The following PATL2 variants were observed in gnomAD, a reference collection of about 807,000 sequenced individuals.
The protein encoded by PATL2 is PAT1 homolog 2, also known as protein PAT1 homolog 2.
Under a neutral mutation model 77.0 loss-of-function variants are expected in PATL2, and 73 were observed. The observed-to-expected ratio is 0.95, with a 90% CI of 0.78 to 1.15. The LOEUF is 1.15. Among genes scored for constraint, PATL2 ranks in the 50% most tolerant of loss-of-function variants. The pLI, the probability that PATL2 is intolerant of heterozygous loss-of-function variation, is 0.00. For missense variants in PATL2, 618 were observed against 655.4 expected, an observed-to-expected ratio of 0.94 and a Z score of 0.62; for synonymous variants, 265 against 257.1, an observed-to-expected ratio of 1.03 and a Z score of -0.29.
In PATL2 at chr15:44,669,330, C is replaced by T; in HGVS notation, c.1014G>A (p.Gln338=). 1 of 1,551,654 alleles carries T rather than the reference C, an allele frequency of 6.4e-7. No individual in the cohort carries two copies. The highest frequency in any genetic ancestry group is 1.2e-5 in the South Asian group (1 of 84,056). Residue 338 remains glutamine, a synonymous_variant, in exon 13 of 18, where the codon CAG becomes CAA. Coordinates refer to ENST00000682850, the MANE Select transcript of PATL2 (RefSeq NM_001387263.1). The part of the protein sequence containing the change: ...PPCFSEQQSN[Q]VEKLFQTLKT... ...TTAAGGTCTGGAAGAGCTTCTCAAC[C>T]TGGTTGCTTTGCTGCTCAGAAAAGC...
intron 3 of PATL2, among the ~76,000 whole-genome samples, chr15:44,679,552 C>CTT (rs545161525): frequency 2.7e-4 from 31 of 114,324 alleles, no homozygotes; most frequent in Non-Finnish European, 3.8e-4. Flanking sequence ...TTTTCTTTTT[C>CTT]TTTTTTTTTT....
At chr15:44,666,349 G>A (rs2085368449) in intron 17 of PATL2, 43 bp downstream of exon 17, 4 of 1,548,130 alleles carry the variant, frequency 2.6e-6, no homozygotes, top group Non-Finnish European at 2.6e-6. Flanking sequence ...ACATAGATTG[G>A]GCTTGAACAA....
At chr15:44,670,866 C>T (rs1424295671) in intron 9 of PATL2, among the ~76,000 whole-genome samples, 1 of 152,230 alleles carries the variant, frequency 6.6e-6, no homozygotes, top group African/African-American at 2.4e-5. Context: ...GGTTTAAGCA[C>T]AGAACTAGCT....
At chr15:44,673,533 A>G (rs1472473641) in intron 6 of PATL2, among the ~76,000 whole-genome samples, 156 bp from the exon 7 acceptor site, 1 of 152,146 alleles carries the variant, frequency 6.6e-6, no homozygotes, top group Non-Finnish European at 1.5e-5. Context: ...CTTTGGGGGC[A>G]CCAGACTATG....
intron 3 of PATL2, among the ~76,000 whole-genome samples, chr15:44,693,109 C>G (rs563393504): frequency 6.6e-6 from 1 of 152,304 alleles, no homozygotes; most frequent in East Asian, 1.9e-4. Flanking sequence ...TTGGAAAAGG[C>G]AAATATTTAT....
At chr15:44,690,534 C>T (rs1257763440) in intron 3 of PATL2, among the ~76,000 whole-genome samples, 3 of 149,618 alleles carry the variant, frequency 2.0e-5, no homozygotes. Context: ...AACAGCATCT[C>T]ACAATGTTGT....
intron 4 of PATL2, 196 bp downstream of exon 4, chr15:44,676,279 T>A: frequency 1.7e-6 from 1 of 604,818 alleles, no homozygotes; most frequent in Non-Finnish European, 3.0e-6. Flanking sequence ...TTGTTGTTGA[T>A]AATTTTACTA....
intron 3 of PATL2, among the ~76,000 whole-genome samples, chr15:44,702,825 G>C (rs1349588435): frequency 6.6e-6 from 1 of 151,850 alleles, no homozygotes; most frequent in African/African-American, 2.4e-5. Flanking sequence ...TTGATTTCTA[G>C]TTTTTTTCCA....
chr15:44,688,144 G>A (rs879645393), intron 3 of PATL2, among the ~76,000 whole-genome samples: 3 of 151,378 alleles, frequency 2.0e-5, no homozygotes, highest in Non-Finnish European at 2.9e-5. Context: ...TACTTGGGAG[G>A]CTGAGGCAGG....
chr15:44,711,007 C>A lies in PATL2; in HGVS notation c.-254+13G>T, dbSNP rs968051176. ...AGCTGTCCTCAGGATGCTTTTGGGACTATTTTTCTTACCCAGAGAATGGAG... is the reference window on the plus strand; with the variant it reads ...AGCTGTCCTCAGGATGCTTTTGGGAATATTTTTCTTACCCAGAGAATGGAG... On this transcript the variant is annotated intron_variant, in intron 1 of 17. Coordinates refer to ENST00000682850, the MANE Select transcript of PATL2 (RefSeq NM_001387263.1). The A allele has an allele frequency of 2.2e-5, 5 of 225,502 alleles. No individual in the cohort carries two copies. The South Asian group carries it at 2.7e-4, about 12-fold the overall frequency. 14.0% of individuals were successfully genotyped at this position (225,502 alleles called of 1,614,324 possible).
chr15:44,670,006 C>A lies in PATL2; in HGVS notation c.739G>T (p.Val247Leu), dbSNP rs1421011867. 6.5e-7 allele frequency: 1 copy of A among 1,550,174 alleles called. No homozygotes were observed. The change falls in exon 10 of 18, where the codon GTA (valine) becomes TTA (leucine). Residue 247 changes from valine (V) to leucine (L), a missense_variant. Transcript: ENST00000682850. The part of the protein sequence containing the change: ...RRNRVESLKL[V>L]TPYIPKAEAY... ...TCTGCCTTCGGAATGTAAGGCGTTACCAGCTTGAGGGACTCAACCCGGTTT... is the reference window on the plus strand; with the variant it reads ...TCTGCCTTCGGAATGTAAGGCGTTAACAGCTTGAGGGACTCAACCCGGTTT...
At chr15:44,673,100 G>C (rs2085770061) in intron 7 of PATL2, 135 bp downstream of exon 7, 1 of 1,186,156 alleles carries the variant, frequency 8.4e-7, no homozygotes, top group African/African-American at 1.6e-5. Context: ...ATTTGTGAGG[G>C]AGACGGAATT....
intron 3 of PATL2, among the ~76,000 whole-genome samples, chr15:44,681,049 G>A (rs1287015282): frequency 6.6e-6 from 1 of 152,070 alleles, no homozygotes; most frequent in Non-Finnish European, 1.5e-5. Flanking sequence ...TTTAGTTTTA[G>A]AGATGGGGTC....
intron 3 of PATL2, among the ~76,000 whole-genome samples, chr15:44,681,031 T>G (rs931971441): frequency 6.6e-6 from 1 of 152,152 alleles, no homozygotes; most frequent in African/African-American, 2.4e-5. Context: ...GATTTTTCTT[T>G]CTTTCTTTTT....
chr15:44,688,063 C>T (rs1449572725), intron 3 of PATL2, among the ~76,000 whole-genome samples: 1 of 151,888 alleles, frequency 6.6e-6, no homozygotes, highest in Non-Finnish European at 1.5e-5. Flanking sequence ...CTGGCTAACA[C>T]AGTGAAAACC....
chr15:44,675,108 A>G, intron 5 of PATL2: 1 of 207,910 alleles, frequency 4.8e-6, no homozygotes, highest in South Asian at 9.9e-5. Context: ...TCATATCTAC[A>G]TAGGAGTCCT....
rs2085371134 is a variant in PATL2 at position 44,666,378 on chromosome 15, C to T, written c.1613+14G>A. The T allele has an allele frequency of 6.4e-7, 1 of 1,551,496 alleles. No homozygotes were observed. The highest frequency in any genetic ancestry group is 8.7e-7 in the Non-Finnish European group (1 of 1,146,956). On this transcript the variant is annotated intron_variant, in intron 17 of 17. Transcript: ENST00000682850. ...TGAACAAGGGGCTTTGACCTTGTTT[C>T]TGCCATTACTTACTCCATCCTGGCC...
intron 3 of PATL2, among the ~76,000 whole-genome samples, chr15:44,703,238 T>G (rs1173596922): frequency 1.3e-5 from 2 of 152,066 alleles, no homozygotes; most frequent in African/African-American, 2.4e-5. Flanking sequence ...ATCACACCAC[T>G]GCACTCCAGC....
intron 3 of PATL2, among the ~76,000 whole-genome samples, chr15:44,708,109 G>A (rs569067480): frequency 1.3e-5 from 2 of 152,352 alleles, no homozygotes; most frequent in South Asian, 2.1e-4. Flanking sequence ...GCCGGCGAAT[G>A]GGGGAGAGAT....
Sources: allele counts gnomAD v4.1 joint callset (sites outside exome capture counted in the v4.1 genomes callset), GRCh38; gene constraint gnomAD v4.1.1; transcripts MANE v1.5; gene names NCBI Gene and HGNC (gene_info 2026-07-23, HGNC 2026-07-21).